LNPK: variants seen among roughly 807,000 people sequenced by gnomAD.
LNPK encodes lunapark, ER junction formation factor, also known as endoplasmic reticulum junction formation protein lunapark.
LNPK carries 29 observed loss-of-function variants against 55.2 expected under a neutral mutation model. The observed-to-expected ratio is 0.53, with a 90% confidence interval of 0.39 to 0.72. The LOEUF (loss-of-function observed/expected upper bound fraction) is 0.72. Among genes scored for constraint, LNPK ranks in the 30% least tolerant of loss-of-function variants. LNPK has a pLI of 0.00. For missense variants in LNPK, 467 were observed against 494.8 expected (o/e 0.94, Z 0.53); for synonymous variants, 162 against 168.2 (o/e 0.96, Z 0.29).
At chr2:175,966,309 A>G (rs1354777411) in intron 6 of LNPK, among the ~76,000 whole-genome samples, 4 of 152,126 alleles carry the variant, frequency 2.6e-5, no homozygotes, top group South Asian at 2.1e-4. Context: ...AGTGATCCAC[A>G]TACCTCAGCC....
intron 8 of LNPK, among the ~76,000 whole-genome samples, chr2:175,948,817 T>A (rs927474033): frequency 6.6e-6 from 1 of 152,170 alleles, no homozygotes; most frequent in Non-Finnish European, 1.5e-5. Context: ...TAGCATCAGA[T>A]CTTAGTTCAT....
At chr2:175,971,411 T>G in intron 5 of LNPK, among the ~76,000 whole-genome samples, 1 of 152,170 alleles carries the variant, frequency 6.6e-6, no homozygotes, top group Admixed American at 6.5e-5. Flanking sequence ...ATATCTTTTA[T>G]GAATGTCAAT....
intron 6 of LNPK, chr2:175,967,556 ACTTT>A (rs1369670918): frequency 2.8e-6 from 2 of 717,960 alleles, no homozygotes; most frequent in Non-Finnish European, 3.4e-6. Flanking sequence ...ATGTAAGAAA[ACTTT>A]CTTTCATTTC....
intron 12 of LNPK, among the ~76,000 whole-genome samples, chr2:175,931,639 T>G (rs754493063): frequency 1.3e-5 from 2 of 152,178 alleles, no homozygotes; most frequent in Non-Finnish European, 2.9e-5. Context: ...ATAAATTAAT[T>G]TGTGCCAAAT....
chr2:175,937,391 G>A lies in LNPK; in HGVS notation c.1007C>T (p.Pro336Leu). The change falls in exon 12 of 13, where the codon CCC becomes CTC. Residue 336 changes from proline to leucine, a missense_variant. Transcript: ENST00000272748. ...TGAAAGCACACTTCCTGATGGCAAGGGACCAACTGAACTTGAACCTTCCAC... is the reference window on the plus strand; with the variant it reads ...TGAAAGCACACTTCCTGATGGCAAGAGACCAACTGAACTTGAACCTTCCAC... ...QVVEGSSSVG[P>L]LPSGSVLSSD... 1 of 1,613,676 alleles carries A rather than the reference G, an allele frequency of 6.2e-7. No homozygotes were observed. Among genetic ancestry groups the A allele is most frequent in the Non-Finnish European group, 8.5e-7 (1 of 1,179,716 alleles).
At chr2:175,976,426 TTG>T (rs1368032502) in intron 5 of LNPK, among the ~76,000 whole-genome samples, 1 of 152,252 alleles carries the variant, frequency 6.6e-6, no homozygotes, top group African/African-American at 2.4e-5. Flanking sequence ...GCTTTTGGTC[TTG>T]TGATGGTTAA....
intron 12 of LNPK, among the ~76,000 whole-genome samples, chr2:175,936,907 C>T (rs1684571408): frequency 6.6e-6 from 1 of 152,098 alleles, no homozygotes; most frequent in African/African-American, 2.4e-5. Flanking sequence ...TCCAAAGTTT[C>T]CTGCTTTCTG....
In LNPK at chr2:175,989,018, G is replaced by A. The variant is rs141278549; in HGVS notation, c.257+3213C>T. Reference sequence around the variant, plus strand: ...TCCCGATCTCCTGATCTCGTGATCCGCCCGCCTGGGCCTCCCAAAGTGCTG... The same window carrying A: ...TCCCGATCTCCTGATCTCGTGATCCACCCGCCTGGGCCTCCCAAAGTGCTG... On this transcript the variant is annotated intron_variant, in intron 4 of 12. Coordinates refer to ENST00000272748, the MANE Select transcript of LNPK (RefSeq NM_030650.3). Among the ~76,000 whole-genome samples the A allele has an allele frequency of 5.7e-3, 867 of 152,206 alleles. 9 individuals are homozygous for A. The highest frequency in any genetic ancestry group is 0.02 in the African/African-American group (813 of 41,540).
At chr2:175,933,637 A>G (rs1425489936) in intron 12 of LNPK, among the ~76,000 whole-genome samples, 3 of 152,088 alleles carry the variant, frequency 2.0e-5, no homozygotes, top group African/African-American at 7.2e-5. Flanking sequence ...ATTCAATTAA[A>G]TTATAACCAC....
chr2:175,931,860 C>G (rs1684294539), intron 12 of LNPK, among the ~76,000 whole-genome samples: 1 of 152,180 alleles, frequency 6.6e-6, no homozygotes, highest in Non-Finnish European at 1.5e-5. Flanking sequence ...AACAAGTTAT[C>G]CGTGGAAAAC....
intron 8 of LNPK, among the ~76,000 whole-genome samples, chr2:175,954,697 T>C (rs946613936): frequency 6.6e-6 from 1 of 152,216 alleles, no homozygotes; most frequent in African/African-American, 2.4e-5. Flanking sequence ...TTAAACAACA[T>C]GAACCCTGCA....
chr2:175,980,970 G>A (rs1050330269), intron 4 of LNPK, among the ~76,000 whole-genome samples: 2 of 150,540 alleles, frequency 1.3e-5, no homozygotes, highest in Non-Finnish European at 3.0e-5. Flanking sequence ...AACATACATT[G>A]TATCTCTTGT....
chr2:176,002,372 C>T (rs998823853), upstream of LNPK: 49 of 365,492 alleles, frequency 1.3e-4, no homozygotes, highest in Non-Finnish European at 1.3e-4. Flanking sequence ...GTACCCTGGG[C>T]GGGTAGTTGT....
chr2:175,962,341 C>A (rs762781866), intron 8 of LNPK, among the ~76,000 whole-genome samples: 1 of 151,958 alleles, frequency 6.6e-6, no homozygotes, highest in Non-Finnish European at 1.5e-5. Context: ...GCATGGTACT[C>A]GTACCACAAC....
At chr2:175,991,550 C>T (rs1469954048) in intron 4 of LNPK, among the ~76,000 whole-genome samples, 1 of 152,060 alleles carries the variant, frequency 6.6e-6, no homozygotes, top group Non-Finnish European at 1.5e-5. Flanking sequence ...TAAATGCTCC[C>T]ATAGCATTTT....
chr2:175,932,114 G>A (rs749862241), intron 12 of LNPK: 1 of 450,354 alleles, frequency 2.2e-6, no homozygotes, highest in South Asian at 1.6e-5. Context: ...GTGAAAACAG[G>A]CCCACATAGT....
chr2:175,934,151 T>A (rs187402504), intron 12 of LNPK, among the ~76,000 whole-genome samples: 232 of 152,266 alleles, frequency 1.5e-3, no homozygotes, highest in Admixed American at 2.7e-3. Context: ...ATACTACATA[T>A]CTTGAGAAGG....
At chr2:175,987,452 T>A (rs1258944541) in intron 4 of LNPK, among the ~76,000 whole-genome samples, 1 of 152,086 alleles carries the variant, frequency 6.6e-6, no homozygotes, top group African/African-American at 2.4e-5. Flanking sequence ...ATGTTCTCAC[T>A]CATAGGTGGG....
chr2:175,980,355 G>A (rs1412227151), intron 4 of LNPK, among the ~76,000 whole-genome samples: 1 of 152,100 alleles, frequency 6.6e-6, no homozygotes, highest in East Asian at 1.9e-4. Context: ...TCTACTCTAA[G>A]AGATTAAGCT....
Sources: allele counts gnomAD v4.1 joint callset (sites outside exome capture counted in the v4.1 genomes callset), GRCh38; gene constraint gnomAD v4.1.1; transcripts MANE v1.5; gene names NCBI Gene and HGNC (gene_info 2026-07-23, HGNC 2026-07-21).